The following PRKCE variants were observed in gnomAD, a reference collection of about 807,000 sequenced individuals.
PRKCE encodes protein kinase C epsilon type.
In PRKCE, 16 loss-of-function variants were observed where a neutral mutation model predicts 85.4. That is an observed-to-expected ratio of 0.19 (90% confidence interval 0.13 to 0.28). The LOEUF is 0.28. Ranked by LOEUF, PRKCE falls within the 10% of genes least tolerant of loss-of-function variation. The pLI, the probability that PRKCE is intolerant of heterozygous loss-of-function variation, is 1.00. For synonymous variants in PRKCE, 388 were observed against 371.5 expected, an observed-to-expected ratio of 1.04 and a Z score of -0.51; for missense variants, 573 against 975.2, an observed-to-expected ratio of 0.59 and a Z score of 5.49.
intron 10 of PRKCE, among the ~76,000 whole-genome samples, chr2:46,016,960 T>G (rs1216833300): frequency 6.7e-6 from 1 of 150,304 alleles, no homozygotes; most frequent in Non-Finnish European, 1.5e-5. Context: ...ATCAGCCATT[T>G]TATAACTGCC....
chr2:46,097,841 C>A (rs1670856057), intron 11 of PRKCE, among the ~76,000 whole-genome samples: 1 of 152,172 alleles, frequency 6.6e-6, no homozygotes, highest in Non-Finnish European at 1.5e-5. Context: ...AAACTGATTC[C>A]ATGCAGTGTT....
chr2:45,937,309 C>T (rs1699533972), intron 2 of PRKCE, among the ~76,000 whole-genome samples: 1 of 152,224 alleles, frequency 6.6e-6, no homozygotes, highest in African/African-American at 2.4e-5. Context: ...TCCCAGAATA[C>T]ACTTAGGACT....
At chr2:45,740,488 C>T (rs982545099) in intron 1 of PRKCE, among the ~76,000 whole-genome samples, 2 of 152,138 alleles carry the variant, frequency 1.3e-5, no homozygotes, top group Non-Finnish European at 2.9e-5. Flanking sequence ...CCCCCTCACT[C>T]CTCTCCCTCC....
At chr2:46,010,014 A>G (rs79050165) in intron 9 of PRKCE, among the ~76,000 whole-genome samples, 2,965 of 152,360 alleles carry the variant, frequency 0.019, 99 homozygotes, top group African/African-American at 0.068. Context: ...GCCAGAGATC[A>G]AAAATAAATA....
chr2:46,011,543 C>T (rs988655807), intron 10 of PRKCE, among the ~76,000 whole-genome samples: 3 of 152,120 alleles, frequency 2.0e-5, no homozygotes, highest in Admixed American at 6.5e-5. Context: ...ATCTTTGGTA[C>T]ACCGTTTCCC....
In PRKCE at chr2:46,160,956, C is replaced by A. The variant is rs114325973; in HGVS notation, c.2067+1204C>A. The stretch of plus-strand genomic sequence containing the variant: ...TTGAACATCCCCGGATGCTTGGTCC[C>A]GTTACCACTCCTCATTCGCTTCCTC... On this transcript the variant is annotated intron_variant, in intron 14 of 14. Transcript: ENST00000306156. Among the ~76,000 whole-genome samples the A allele has an allele frequency of 4.4e-3, 677 of 152,320 alleles. 2 individuals are homozygous for A. Among genetic ancestry groups the A allele is most frequent in the African/African-American group, 0.016 (648 of 41,560 alleles).
chr2:45,727,360 G>C (rs555621399), intron 1 of PRKCE, among the ~76,000 whole-genome samples: 5 of 152,336 alleles, frequency 3.3e-5, no homozygotes, highest in Admixed American at 3.3e-4. Context: ...GGAATGTTGT[G>C]TATGTCCAAC....
chr2:45,744,433 CTTTCTTTCT>C lies in PRKCE; in HGVS notation c.348+91988_348+91996del, dbSNP rs1682879191. ...TTTTCTTTTCTTTCTTTCTTTCTTT[CTTTCTTTCT>C]TTCTTTCTTTCTTTCTTTCTTTCTT... is the stretch of plus-strand genomic sequence containing the variant. On this transcript the variant is annotated intron_variant, in intron 1 of 14. Coordinates refer to ENST00000306156, the MANE Select transcript of PRKCE (RefSeq NM_005400.3). 1.6e-4 allele frequency among the ~76,000 whole-genome samples: 6 copies of C among 38,284 alleles called. No individual in the cohort carries two copies. The South Asian group carries it at 0.011, about 73-fold the overall frequency. The allele number at this position is 38,284 out of a possible 152,430, so 25.1% of individuals were successfully genotyped here.
At chr2:45,670,028 A>C (rs187936937) in intron 1 of PRKCE, among the ~76,000 whole-genome samples, 1 of 152,126 alleles carries the variant, frequency 6.6e-6, no homozygotes, top group Non-Finnish European at 1.5e-5. Context: ...AATAAAATAA[A>C]ATTTATATAA....
chr2:45,898,895 C>T (rs1399164525), intron 2 of PRKCE, among the ~76,000 whole-genome samples: 1 of 152,220 alleles, frequency 6.6e-6, no homozygotes, highest in Non-Finnish European at 1.5e-5. Context: ...ACTCTAAGGC[C>T]TGGTCCATGA....
chr2:45,924,708 C>T (rs1031820803), intron 2 of PRKCE, among the ~76,000 whole-genome samples: 4 of 152,212 alleles, frequency 2.6e-5, no homozygotes, highest in African/African-American at 4.8e-5. Flanking sequence ...AGAGATGCTG[C>T]TGTTACATTA....
chr2:45,736,267 C>T (rs770694403), intron 1 of PRKCE, among the ~76,000 whole-genome samples: 2 of 152,108 alleles, frequency 1.3e-5, no homozygotes, highest in Non-Finnish European at 2.9e-5. Context: ...GACCGACATA[C>T]ACATTTTTAT....
chr2:45,843,110 T>G, intron 2 of PRKCE, 47 bp downstream of exon 2: 1 of 1,549,536 alleles, frequency 6.5e-7, no homozygotes, highest in Non-Finnish European at 8.9e-7. Flanking sequence ...ATTGGCCCTT[T>G]GCCTTCTGGG....
At chr2:45,779,604 A>T (rs61376871) in intron 1 of PRKCE, among the ~76,000 whole-genome samples, 5,794 of 125,224 alleles carry the variant, frequency 0.046, 143 homozygotes, top group African/African-American at 0.13. Flanking sequence ...ATATTAAAGT[A>T]AAAAAAAAAA....
rs545989865 is a variant in PRKCE, at chr2:45,677,861, A to G, written c.348+25413A>G. The G allele has an allele frequency of 1.5e-4, 150 of 985,498 alleles. 1 individual carries two copies. The African/African-American group carries it at 2.4e-3, about 16-fold the overall frequency. 61.0% of individuals were successfully genotyped at this position (985,498 alleles called of 1,614,324 possible). A position where few individuals can be genotyped will look rare whatever the true frequency, so the allele number is the denominator to read the frequency against. On this transcript the variant is annotated intron_variant, in intron 1 of 14. Coordinates refer to ENST00000306156, the MANE Select transcript of PRKCE (RefSeq NM_005400.3). ...ACAACCGCTTCAGATGGGCAGTGAA[A>G]AAGACGATGGAAAGGCCAGGACACC... is the stretch of plus-strand genomic sequence containing the variant.
chr2:45,818,116 C>G (rs1689233171), intron 1 of PRKCE, among the ~76,000 whole-genome samples: 1 of 152,222 alleles, frequency 6.6e-6, no homozygotes. Context: ...ATTTCATAAT[C>G]ATTTTACACA....
chr2:46,027,369 C>T (rs543027654), intron 10 of PRKCE, among the ~76,000 whole-genome samples: 1 of 151,868 alleles, frequency 6.6e-6, no homozygotes, highest in Non-Finnish European at 1.5e-5. Flanking sequence ...AAAACAAGAT[C>T]ATGATTACCA....
intron 1 of PRKCE, among the ~76,000 whole-genome samples, chr2:45,743,358 G>A (rs1427865022): frequency 1.3e-5 from 2 of 152,088 alleles, no homozygotes; most frequent in South Asian, 2.1e-4. Flanking sequence ...AAACATCGCG[G>A]TGTACACCTT....
At chr2:45,935,055 T>C (rs928883675) in intron 2 of PRKCE, among the ~76,000 whole-genome samples, 2 of 113,894 alleles carry the variant, frequency 1.8e-5, no homozygotes, top group African/African-American at 7.9e-5. Context: ...AGCGAGACAC[T>C]CACTCTCTCT....
Sources: gnomAD v4.1 joint callset for allele counts (sites outside exome capture counted in the v4.1 genomes callset) on GRCh38, gnomAD v4.1.1 for gene constraint, MANE v1.5 for transcripts, NCBI Gene and HGNC (gene_info 2026-07-23, HGNC 2026-07-21) for gene names.